NCALD: variants seen among roughly 807,000 people sequenced by gnomAD.
NCALD encodes the protein neurocalcin delta.
A neutral mutation model predicts 18.6 loss-of-function variants in NCALD; 10 were observed. The ratio of observed to expected loss-of-function variants is 0.54; its 90% CI spans 0.33 to 0.91. NCALD has a LOEUF of 0.91. Among genes scored for constraint, NCALD ranks in the 40% least tolerant of loss-of-function variants. The pLI, the probability that NCALD is intolerant of heterozygous loss-of-function variation, is 0.03. For missense variants in NCALD, 184 were observed against 247.6 expected (o/e 0.74, Z 1.72); for synonymous variants, 88 against 87.4 (o/e 1.01, Z -0.04).
At chr8:101,921,400 AAAG>A (rs1169201638) in intron 2 of NCALD, among the ~76,000 whole-genome samples, 1 of 151,998 alleles carries the variant, frequency 6.6e-6, no homozygotes, top group Non-Finnish European at 1.5e-5. Context: ...TATAATAATA[AAAG>A]AAGAAAAGGT....
chr8:101,967,840 GACACAC>G (rs34321706), intron 2 of NCALD, among the ~76,000 whole-genome samples: 359 of 147,904 alleles, frequency 2.4e-3, no homozygotes, highest in East Asian at 0.014. Flanking sequence ...TCTTAAAATT[GACACAC>G]ACACACACAC....
rs1298977856 is a variant in NCALD, at chr8:101,749,005, ATG to A, written c.-19-29359_-19-29358del. ...CCTGGAGCATGTGTGCATGCGCGGTATGTGTGTGTGTTTTCCATATGTAATTG... is the reference window on the plus strand; with the variant it reads ...CCTGGAGCATGTGTGCATGCGCGGTATGTGTGTGTTTTCCATATGTAATTG... On this transcript the variant is annotated intron_variant, in intron 1 of 3. Coordinates refer to ENST00000220931, the MANE Select transcript of NCALD (RefSeq NM_032041.3). Among the ~76,000 whole-genome samples, 14 of 152,258 alleles carry A rather than the reference ATG, an allele frequency of 9.2e-5. No homozygotes were observed. In the East Asian group the frequency reaches 2.1e-3, roughly 23 times the overall value.
intron 2 of NCALD, among the ~76,000 whole-genome samples, chr8:101,962,050 A>G (rs1242715835): frequency 2.0e-5 from 3 of 152,208 alleles, no homozygotes; most frequent in Non-Finnish European, 4.4e-5. Flanking sequence ...TAAAAACACT[A>G]TTAAAGCAAA....
At chr8:101,747,429 C>A (rs1304391454) in intron 1 of NCALD, among the ~76,000 whole-genome samples, 1 of 152,156 alleles carries the variant, frequency 6.6e-6, no homozygotes, top group Non-Finnish European at 1.5e-5. Context: ...CTTGTGACTG[C>A]AAAGCCTTAG....
intron 1 of NCALD, among the ~76,000 whole-genome samples, chr8:101,732,149 A>G (rs1481920258): frequency 6.6e-6 from 1 of 152,242 alleles, no homozygotes; most frequent in East Asian, 1.9e-4. Flanking sequence ...GAAACTTCTG[A>G]GGAATTCCTT....
At chr8:101,723,079 C>T (rs984607557) in intron 1 of NCALD, among the ~76,000 whole-genome samples, 1 of 152,004 alleles carries the variant, frequency 6.6e-6, no homozygotes, top group Non-Finnish European at 1.5e-5. Context: ...CCGTTTGAGT[C>T]GAAGGGATGG....
At position 102,047,614 on chromosome 8, in the gene NCALD, T is replaced by C. The variant is rs913764644; in HGVS notation, c.-209-27325A>G. 2.0e-5 allele frequency among the ~76,000 whole-genome samples: 3 copies of C among 152,226 alleles called. No individual in the cohort carries two copies. The East Asian group carries it at 5.8e-4, about 29-fold the overall frequency. The stretch of plus-strand genomic sequence containing the variant: ...TACTGCAGATCTGCAGCATTTATCA[T>C]AGAACATGCTAACGATCCTGGTGAA... On this transcript the variant is annotated intron_variant, in intron 1 of 6. Coordinates refer to the NCALD transcript ENST00000311028.
intron 1 of NCALD, among the ~76,000 whole-genome samples, chr8:101,764,796 C>A (rs1361049727): frequency 6.6e-6 from 1 of 152,196 alleles, no homozygotes; most frequent in African/African-American, 2.4e-5. Context: ...ACATTAACAT[C>A]TTTATCTTTC....
chr8:101,732,175 G>A (rs1050588112), intron 1 of NCALD, among the ~76,000 whole-genome samples: 12 of 152,324 alleles, frequency 7.9e-5, no homozygotes, highest in African/African-American at 2.9e-4. Flanking sequence ...ATAAATGTCC[G>A]CTTAACTAGG....
chr8:101,978,824 C>G (rs114087857), intron 2 of NCALD, among the ~76,000 whole-genome samples: 2,568 of 152,116 alleles, frequency 0.017, 80 homozygotes, highest in African/African-American at 0.057. Flanking sequence ...AAGCAAGAAA[C>G]GAAGAAAGGA....
rs757875219 is a variant in NCALD at position 102,082,226 on chromosome 8, CTTTTTTTTTTTT to C, written c.-210+41999_-210+42010del. 5.0e-3 allele frequency among the ~76,000 whole-genome samples: 357 copies of C among 71,876 alleles called. 9 individuals carry two copies. The highest frequency in any genetic ancestry group is 0.022 in the African/African-American group (321 of 14,612). The allele number at this position is 71,876 out of a possible 152,430, so 47.2% of individuals were successfully genotyped here. ...TGGGCAGTTATTTGAGAAGCTCTCTCTTTTTTTTTTTTTTTTTTTTTTTTGAGAGGGAGTCTC... is the reference window on the plus strand; with the variant it reads ...TGGGCAGTTATTTGAGAAGCTCTCTCTTTTTTTTTTTTGAGAGGGAGTCTC... On this transcript the variant is annotated intron_variant, in intron 1 of 6. Coordinates refer to the NCALD transcript ENST00000311028.
chr8:102,044,098 C>T (rs1449498751), intron 1 of NCALD, among the ~76,000 whole-genome samples: 1 of 151,944 alleles, frequency 6.6e-6, no homozygotes, highest in Non-Finnish European at 1.5e-5. Flanking sequence ...TGATGACCTT[C>T]ATTTTAAGCA....
At chr8:102,118,535 T>C (rs1401370552) in intron 1 of NCALD, among the ~76,000 whole-genome samples, 6 of 152,240 alleles carry the variant, frequency 3.9e-5, no homozygotes, top group Non-Finnish European at 8.8e-5. Flanking sequence ...TTTGCTAGCA[T>C]GAGTGCTATT....
intron 1 of NCALD, among the ~76,000 whole-genome samples, chr8:102,116,784 A>C (rs1160003377): frequency 1.3e-5 from 2 of 152,206 alleles, no homozygotes; most frequent in Non-Finnish European, 2.9e-5. Flanking sequence ...CTGGGATTAC[A>C]GACATGAGCC....
chr8:101,850,700 T>C (rs1051658072), intron 4 of NCALD, among the ~76,000 whole-genome samples: 1 of 152,228 alleles, frequency 6.6e-6, no homozygotes, highest in African/African-American at 2.4e-5. Context: ...TCATGACGTA[T>C]CCTTACACTT....
rs1817006442 is a variant in NCALD at position 101,893,523 on chromosome 8, TA to T, written c.-106-6297del. Among the ~76,000 whole-genome samples the T allele has an allele frequency of 1.5e-5, 2 of 132,950 alleles. 1 individual carries two copies. The highest frequency in any genetic ancestry group is 6.3e-5 in the African/African-American group (2 of 31,572). 87.2% of individuals were successfully genotyped at this position (132,950 alleles called of 152,430 possible). ...AATTCACACATAACAATATTAACTT[TA>T]AATGTAAATGGACTAAATGCTCCAA... On this transcript the variant is annotated intron_variant, in intron 3 of 6. Transcript: ENST00000311028.
At chr8:101,815,759 C>G (rs1286562553) in intron 4 of NCALD, among the ~76,000 whole-genome samples, 9 of 152,134 alleles carry the variant, frequency 5.9e-5, no homozygotes, top group Admixed American at 5.9e-4. Flanking sequence ...ACTAAACATA[C>G]TCTTAATATA....
intron 4 of NCALD, among the ~76,000 whole-genome samples, chr8:101,856,787 T>C (rs1815337868): frequency 6.6e-6 from 1 of 152,104 alleles, no homozygotes; most frequent in South Asian, 2.1e-4. Context: ...AAACACATCA[T>C]AGCCATTCAC....
At chr8:102,067,533 A>G (rs1424057516) in intron 1 of NCALD, among the ~76,000 whole-genome samples, 1 of 152,206 alleles carries the variant, frequency 6.6e-6, no homozygotes, top group East Asian at 1.9e-4. Context: ...AAGAGAATCT[A>G]GTAAAGCACC....
Sources: allele counts gnomAD v4.1 joint callset (sites outside exome capture counted in the v4.1 genomes callset), GRCh38; gene constraint gnomAD v4.1.1; transcripts MANE v1.5; gene names NCBI Gene and HGNC (gene_info 2026-07-23, HGNC 2026-07-21).